ARHGAP26: variants seen among roughly 807,000 people sequenced by gnomAD.
The protein encoded by ARHGAP26 is rho GTPase-activating protein 26.
ARHGAP26 carries 38 observed loss-of-function variants against 104.8 expected under a neutral mutation model. That is an observed-to-expected ratio of 0.36 (90% confidence interval 0.28 to 0.48). The LOEUF is 0.48. Among genes scored for constraint, ARHGAP26 ranks in the 20% least tolerant of loss-of-function variants. The pLI is 0.99. For missense variants in ARHGAP26, 704 were observed against 947.9 expected (o/e 0.74, Z 3.38); for synonymous variants, 341 against 340.0 (o/e 1.00, Z -0.03).
chr5:143,077,565 A>G (rs1789218742), intron 17 of ARHGAP26, among the ~76,000 whole-genome samples: 1 of 152,200 alleles, frequency 6.6e-6, no homozygotes, highest in East Asian at 1.9e-4. Context: ...AGCAGCAGAC[A>G]GAACTCATAA....
chr5:143,034,501 C>A (rs143283855), intron 12 of ARHGAP26, among the ~76,000 whole-genome samples: 2 of 152,078 alleles, frequency 1.3e-5, no homozygotes, highest in African/African-American at 4.8e-5. Context: ...CATAAAAGAC[C>A]GCATCGTGTA....
At position 142,932,129 on chromosome 5, in the gene ARHGAP26, A is replaced by G. The variant is rs1264220948; in HGVS notation, c.1107+4A>G. The G allele has an allele frequency of 1.9e-6, 3 of 1,613,720 alleles. No individual in the cohort carries two copies. The highest frequency in any genetic ancestry group is 2.5e-6 in the Non-Finnish European group (3 of 1,179,716). ...AGCCATGGATGGCCGGGAACCTGTAAGTAACAATTCAGGGAAGTAGAGCAA... is the reference window on the plus strand; with the variant it reads ...AGCCATGGATGGCCGGGAACCTGTAGGTAACAATTCAGGGAAGTAGAGCAA... On this transcript the variant is annotated splice_donor_region_variant and intron_variant, in intron 11 of 22. Transcript: ENST00000645722.
intron 11 of ARHGAP26, among the ~76,000 whole-genome samples, chr5:142,956,112 C>G (rs776632642): frequency 4.6e-5 from 7 of 152,282 alleles, no homozygotes; most frequent in Non-Finnish European, 1.0e-4. Context: ...CCTTGTTTAT[C>G]TATGTTTTCA....
At chr5:142,816,785 A>C (rs927901551) in intron 1 of ARHGAP26, among the ~76,000 whole-genome samples, 4 of 152,180 alleles carry the variant, frequency 2.6e-5, no homozygotes, top group Non-Finnish European at 5.9e-5. Context: ...GTTCGGAGGA[A>C]AAGATAGGGG....
intron 11 of ARHGAP26, among the ~76,000 whole-genome samples, chr5:143,013,855 C>T (rs1779211820): frequency 1.3e-5 from 2 of 151,984 alleles, no homozygotes; most frequent in African/African-American, 4.8e-5. Flanking sequence ...TTTTTTTTTA[C>T]ACAATAAAGT....
At chr5:143,050,588 C>T (rs1273603452) in intron 14 of ARHGAP26, among the ~76,000 whole-genome samples, 2 of 152,162 alleles carry the variant, frequency 1.3e-5, no homozygotes, top group African/African-American at 4.8e-5. Context: ...CAATCAATGA[C>T]TTCTTTCTGA....
intron 17 of ARHGAP26, among the ~76,000 whole-genome samples, chr5:143,117,314 C>A (rs1238779406): frequency 6.6e-6 from 1 of 152,214 alleles, no homozygotes; most frequent in African/African-American, 2.4e-5. Context: ...GTTTCCCATG[C>A]ATCTGTAAAT....
At chr5:143,078,166 G>T (rs1029680332) in intron 17 of ARHGAP26, among the ~76,000 whole-genome samples, 3 of 152,148 alleles carry the variant, frequency 2.0e-5, no homozygotes, top group Non-Finnish European at 2.9e-5. Context: ...ATCATGTTAC[G>T]CTAACTCAAT....
At chr5:143,169,211 C>A (rs976594163) in intron 20 of ARHGAP26, among the ~76,000 whole-genome samples, 2 of 152,250 alleles carry the variant, frequency 1.3e-5, no homozygotes, top group Non-Finnish European at 2.9e-5. Context: ...CATGTACAGA[C>A]AGTTCTATTC....
intron 9 of ARHGAP26, among the ~76,000 whole-genome samples, chr5:142,911,515 A>T (rs1467878797): frequency 6.6e-6 from 1 of 152,206 alleles, no homozygotes; most frequent in East Asian, 1.9e-4. Flanking sequence ...TTAAAAACAG[A>T]ATTTTTCATG....
At chr5:143,195,078 G>C (rs754328624) in intron 20 of ARHGAP26, among the ~76,000 whole-genome samples, 75 of 152,320 alleles carry the variant, frequency 4.9e-4, no homozygotes, top group Non-Finnish European at 9.1e-4. Flanking sequence ...GCTGCTACTC[G>C]CTTGGAGGGA....
At chr5:142,799,835 C>A (rs1249323694) in intron 1 of ARHGAP26, among the ~76,000 whole-genome samples, 1 of 152,228 alleles carries the variant, frequency 6.6e-6, no homozygotes, top group East Asian at 1.9e-4. Flanking sequence ...GCCCCCATGG[C>A]CTCATCACCT....
chr5:143,178,319 G>A (rs115868694), intron 20 of ARHGAP26, among the ~76,000 whole-genome samples: 3,955 of 152,146 alleles, frequency 0.026, 175 homozygotes, highest in African/African-American at 0.09. Flanking sequence ...GTCTTAACCT[G>A]TAAGCTCCTG....
At chr5:142,821,313 T>G (rs1239968192) in intron 1 of ARHGAP26, among the ~76,000 whole-genome samples, 2 of 149,800 alleles carry the variant, frequency 1.3e-5, no homozygotes, top group African/African-American at 4.9e-5. Context: ...TTTTTTTTTT[T>G]TTTTTTTTTT....
At chr5:142,856,116 G>A (rs902429541) in intron 1 of ARHGAP26, among the ~76,000 whole-genome samples, 7 of 152,228 alleles carry the variant, frequency 4.6e-5, no homozygotes, top group Non-Finnish European at 8.8e-5. Context: ...GCACTGGGCT[G>A]TGGGTGGTGT....
At chr5:142,786,260 G>A (rs969807376) in intron 1 of ARHGAP26, among the ~76,000 whole-genome samples, 7 of 151,862 alleles carry the variant, frequency 4.6e-5, no homozygotes, top group Admixed American at 1.3e-4. Context: ...GGGATTACAG[G>A]TGTAAGCCAT....
intron 12 of ARHGAP26, among the ~76,000 whole-genome samples, chr5:143,028,185 A>G (rs1001732888): frequency 6.6e-6 from 1 of 152,200 alleles, no homozygotes; most frequent in Non-Finnish European, 1.5e-5. Context: ...GATGATGATG[A>G]TGATGATAAG....
intron 12 of ARHGAP26, 124 bp from the exon 13 acceptor site, chr5:143,037,072 T>C (rs1337969175): frequency 1.5e-5 from 8 of 537,564 alleles, no homozygotes; most frequent in South Asian, 6.6e-5. Context: ...TGTACTGTTA[T>C]TGGGAAAAAC....
At chr5:142,964,849 C>G (rs1365321966) in intron 11 of ARHGAP26, among the ~76,000 whole-genome samples, 2 of 152,158 alleles carry the variant, frequency 1.3e-5, no homozygotes, top group Non-Finnish European at 2.9e-5. Flanking sequence ...AGACACAAGA[C>G]TAAGAGATAG....
Sources: allele counts gnomAD v4.1 joint callset (sites outside exome capture counted in the v4.1 genomes callset), GRCh38; gene constraint gnomAD v4.1.1; transcripts MANE v1.5; gene names NCBI Gene and HGNC (gene_info 2026-07-23, HGNC 2026-07-21).